ANKRD28: variants seen among roughly 807,000 people sequenced by gnomAD.
ANKRD28 encodes ankyrin repeat domain 28, also known as serine/threonine-protein phosphatase 6 regulatory ankyrin repeat subunit A.
In ANKRD28, 44 loss-of-function variants were observed where a neutral mutation model predicts 126.5. The observed-to-expected ratio is 0.35, with a 90% CI of 0.27 to 0.45. ANKRD28 has a LOEUF of 0.45. ANKRD28 is among the 20% of genes least tolerant of loss of function. The pLI, the probability that ANKRD28 is intolerant of heterozygous loss-of-function variation, is 1.00. For missense variants in ANKRD28, 1,110 were observed against 1,316.6 expected, an observed-to-expected ratio of 0.84 and a Z score of 2.43; for synonymous variants, 442 against 468.5, an observed-to-expected ratio of 0.94 and a Z score of 0.73.
chr3:15,744,758 T>A (rs2057365617), intron 4 of ANKRD28, among the ~76,000 whole-genome samples: 1 of 152,228 alleles, frequency 6.6e-6, no homozygotes, highest in African/African-American at 2.4e-5. Flanking sequence ...TCTGGATTGA[T>A]ATCTAAGTGG....
rs1386008477 is a variant in ANKRD28 at position 15,742,614 on chromosome 3, GC to G, written c.352-5382del. Among the ~76,000 whole-genome samples, 6 of 1,792 alleles carry G rather than the reference GC, an allele frequency of 3.3e-3. No homozygotes were observed. In the African/African-American group the frequency reaches 0.053, roughly 16 times the overall value. The allele number at this position is 1,792 out of a possible 152,430, so 1.2% of individuals were successfully genotyped here. On this transcript the variant is annotated intron_variant, in intron 4 of 27. Transcript: ENST00000683139. ...CCATCCGGGAGGGAGGTGGGGGTCA[GC>G]CCCCTGCCAGGCCAGCCGCCCCGTC...
intron 20 of ANKRD28, 44 bp downstream of exon 20, chr3:15,685,958 G>T: frequency 6.8e-7 from 1 of 1,461,974 alleles, no homozygotes; most frequent in South Asian, 1.2e-5. Flanking sequence ...GGTAATATGA[G>T]GTCATAAAAG....
chr3:15,796,278 TAC>T lies in ANKRD28; in HGVS notation c.117+125_117+126del, dbSNP rs2060269807. On this transcript the variant is annotated intron_variant, in intron 1 of 27. Transcript: ENST00000683139. ...TTATACAAAAATACTGCATCATATC[TAC>T]ACACGTATTGCTTTAATTTGGGTTT... is the stretch of plus-strand genomic sequence containing the variant. The T allele has an allele frequency of 7.1e-5, 30 of 425,442 alleles. No individual in the cohort carries two copies. In the South Asian group the frequency reaches 9.6e-4, roughly 14 times the overall value. The allele number at this position is 425,442 out of a possible 1,614,324, so 26.4% of individuals were successfully genotyped here.
At chr3:15,820,783 G>A (rs1575767393) in intron 1 of ANKRD28, among the ~76,000 whole-genome samples, 1 of 152,036 alleles carries the variant, frequency 6.6e-6, no homozygotes, top group East Asian at 1.9e-4. Flanking sequence ...ATTATATGAT[G>A]ATATCACAAA....
At chr3:15,727,439 T>A (rs1211961186) in intron 6 of ANKRD28, among the ~76,000 whole-genome samples, 1 of 151,042 alleles carries the variant, frequency 6.6e-6, no homozygotes, top group Non-Finnish European at 1.5e-5. Flanking sequence ...TGGTGGCGGG[T>A]GCCTGTAATC....
In ANKRD28 at chr3:15,707,910, C is replaced by A. The variant is rs1324140292; in HGVS notation, c.1547+14G>T. 1 of 1,610,828 alleles carries A rather than the reference C, an allele frequency of 6.2e-7. No homozygotes were observed. Among genetic ancestry groups the A allele is most frequent in the Non-Finnish European group, 8.5e-7 (1 of 1,177,716 alleles). On this transcript the variant is annotated intron_variant, in intron 14 of 27. Coordinates refer to ENST00000683139, the MANE Select transcript of ANKRD28 (RefSeq NM_001349278.2). ...GAAATATTGATCCTCCACTCTCACT[C>A]CTATGGTACTTACTTGCCATCTGTG...
chr3:15,859,572 C>T (rs1346999710), exon 1 of ANKRD28: 1 of 321,170 alleles, frequency 3.1e-6, no homozygotes. Flanking sequence ...GCGCCGCCTC[C>T]CCGGCCGCCC....
At chr3:15,819,358 C>T (rs56211171) in intron 1 of ANKRD28, among the ~76,000 whole-genome samples, 20,862 of 152,066 alleles carry the variant, frequency 0.14, 2,154 homozygotes, top group East Asian at 0.58. Context: ...CAGAAGAGTC[C>T]ATAAATAGAG....
At chr3:15,790,976 T>C (rs964510324) in intron 2 of ANKRD28, among the ~76,000 whole-genome samples, 1 of 152,178 alleles carries the variant, frequency 6.6e-6, no homozygotes, top group Admixed American at 6.6e-5. Context: ...CTAGCATTTC[T>C]ATATGCCAAC....
At chr3:15,804,050 T>C (rs1326385569) in intron 1 of ANKRD28, among the ~76,000 whole-genome samples, 1 of 145,436 alleles carries the variant, frequency 6.9e-6, no homozygotes, top group Non-Finnish European at 1.5e-5. Context: ...CCTTACTTTT[T>C]AAAACACTCA....
At chr3:15,685,170 A>G in intron 21 of ANKRD28, 56 bp downstream of exon 21, 1 of 1,576,894 alleles carries the variant, frequency 6.3e-7, no homozygotes, top group Non-Finnish European at 8.7e-7. Flanking sequence ...TAAATATGTC[A>G]TTCTTTTATC....
intron 1 of ANKRD28, among the ~76,000 whole-genome samples, chr3:15,857,344 G>A (rs1368190171): frequency 6.6e-6 from 1 of 152,164 alleles, no homozygotes; most frequent in Admixed American, 6.5e-5. Flanking sequence ...GAGTGCAGTG[G>A]TGCAACCTCC....
intron 2 of ANKRD28, among the ~76,000 whole-genome samples, chr3:15,771,181 G>A (rs1444413847): frequency 6.6e-6 from 1 of 151,960 alleles, no homozygotes; most frequent in Non-Finnish European, 1.5e-5. Flanking sequence ...AAGCCCAGGC[G>A]GGCGGATCAC....
intron 6 of ANKRD28, 28 bp from the exon 7 acceptor site, chr3:15,724,552 T>A: frequency 1.3e-6 from 2 of 1,540,282 alleles, no homozygotes; most frequent in Non-Finnish European, 1.8e-6. Context: ...AAGAAAAAAA[T>A]AGAGATGAGC....
In ANKRD28 at chr3:15,669,937, T is replaced by C. The variant is rs562260375; in HGVS notation, c.*333A>G. On this transcript the variant is annotated 3_prime_UTR_variant, in exon 28 of 28. Transcript: ENST00000683139. ...AAAATTTAAATCTAGTGTCTTTATT[T>C]CTTCTGTTACAATAGTGTTGCTTGT... 3.1e-5 allele frequency: 6 copies of C among 193,836 alleles called. No individual in the cohort carries two copies. The South Asian group carries it at 9.6e-4, about 31-fold the overall frequency. 12.0% of individuals were successfully genotyped at this position (193,836 alleles called of 1,614,324 possible).
rs548103399 is a variant in ANKRD28 at position 15,778,789 on chromosome 3, T to C, written c.202-12477A>G. Among the ~76,000 whole-genome samples the C allele has an allele frequency of 1.1e-4, 17 of 152,318 alleles. No homozygotes were observed. In the South Asian group the frequency reaches 3.5e-3, roughly 32 times the overall value. ...CTGATATGGTTTGGCTCTGTATCCC[T>C]ACCCAAATTTAATCTTAAATTGTAA... On this transcript the variant is annotated intron_variant, in intron 2 of 27. Coordinates refer to ENST00000683139, the MANE Select transcript of ANKRD28 (RefSeq NM_001349278.2).
At chr3:15,764,569 A>T (rs375467829) in intron 3 of ANKRD28, among the ~76,000 whole-genome samples, 1 of 152,196 alleles carries the variant, frequency 6.6e-6, no homozygotes, top group East Asian at 1.9e-4. Context: ...CTCCACGTGG[A>T]ATCATATAAA....
rs533742644 is a variant in ANKRD28 at position 15,667,942 on chromosome 3, G to A, written c.*2328C>T. ...AATAGTGTGTCAAATGAGTCCTTCTGGAAATCACTTCAGCAGAGAAGTCAA... is the reference window on the plus strand; with the variant it reads ...AATAGTGTGTCAAATGAGTCCTTCTAGAAATCACTTCAGCAGAGAAGTCAA... On this transcript the variant is annotated 3_prime_UTR_variant, in exon 28 of 28. Coordinates refer to ENST00000683139, the MANE Select transcript of ANKRD28 (RefSeq NM_001349278.2). 2.0e-5 allele frequency: 3 copies of A among 152,268 alleles called. No homozygotes were observed. In the East Asian group the frequency reaches 5.8e-4, roughly 29 times the overall value. 9.4% of individuals were successfully genotyped at this position (152,268 alleles called of 1,614,324 possible). A position where few individuals can be genotyped will look rare whatever the true frequency, so the allele number is the denominator to read the frequency against.
In ANKRD28 at chr3:15,747,457, C is replaced by T. The variant is rs187229645; in HGVS notation, c.351+4293G>A. Among the ~76,000 whole-genome samples, 353 of 152,226 alleles carry T rather than the reference C, an allele frequency of 2.3e-3. 1 individual carries two copies. Among genetic ancestry groups the T allele is most frequent in the African/African-American group, 8.0e-3 (331 of 41,542 alleles). The stretch of plus-strand genomic sequence containing the variant: ...TATCTTGACTTCCTTGTTGACCCAA[C>T]GATCACTCAGGAGCAGGTTATTTAA... On this transcript the variant is annotated intron_variant, in intron 4 of 27. Transcript: ENST00000683139.
Sources: allele counts gnomAD v4.1 joint callset (sites outside exome capture counted in the v4.1 genomes callset), GRCh38; gene constraint gnomAD v4.1.1; transcripts MANE v1.5; gene names NCBI Gene and HGNC (gene_info 2026-07-23, HGNC 2026-07-21).